The following SSX2IP variants were observed in gnomAD, a reference collection of about 807,000 sequenced individuals.
The protein encoded by SSX2IP is afadin- and alpha-actinin-binding protein.
A neutral mutation model predicts 84.9 loss-of-function variants in SSX2IP; 55 were observed. That is an observed-to-expected ratio of 0.65 (90% CI 0.52 to 0.81). The LOEUF is 0.81. Among genes scored for constraint, SSX2IP ranks in the 30% least tolerant of loss-of-function variants. The pLI, the probability that SSX2IP is intolerant of heterozygous loss-of-function variation, is 0.00. For synonymous variants in SSX2IP, 239 were observed against 234.7 expected (o/e 1.02, Z -0.17); for missense variants, 664 against 705.2 (o/e 0.94, Z 0.66).
chr1:84,680,285 G>A (rs1654900063), intron 1 of SSX2IP: 1 of 152,158 alleles, frequency 6.6e-6, no homozygotes, highest in African/African-American at 2.4e-5. Context: ...CAGTAAAAGA[G>A]TTAAAATCCA....
At chr1:84,684,165 T>C (rs1031980361) in intron 1 of SSX2IP, among the ~76,000 whole-genome samples, 3 of 152,194 alleles carry the variant, frequency 2.0e-5, no homozygotes, top group Non-Finnish European at 2.9e-5. Context: ...GTTATAGTTG[T>C]CAACGTGTGG....
rs1456398366 is a variant in SSX2IP at position 84,656,221 on chromosome 1, AG to A, written c.1215+126del. On this transcript the variant is annotated intron_variant, in intron 10 of 13. Transcript: ENST00000342203. Reference sequence around the variant, plus strand: ...AGTGGTACACAATGTATCTGTTAGCAGGGAACACAGACTAGAAATCTGTCAA... The same window carrying A: ...AGTGGTACACAATGTATCTGTTAGCAGGAACACAGACTAGAAATCTGTCAA... 7.8e-6 allele frequency: 8 copies of A among 1,020,666 alleles called. No homozygotes were observed. In the Admixed American group the frequency reaches 1.9e-4, roughly 24 times the overall value. 63.2% of individuals were successfully genotyped at this position (1,020,666 alleles called of 1,614,324 possible). A position where few individuals can be genotyped will look rare whatever the true frequency, so the allele number is the denominator to read the frequency against.
At chr1:84,663,792 A>C (rs1216881931) in intron 6 of SSX2IP, among the ~76,000 whole-genome samples, 1 of 152,242 alleles carries the variant, frequency 6.6e-6, no homozygotes, top group African/African-American at 2.4e-5. Flanking sequence ...TCGTATTTAT[A>C]CCAGGCCAGC....
At chr1:84,683,494 C>T (rs1434411355) in intron 1 of SSX2IP, among the ~76,000 whole-genome samples, 2 of 152,214 alleles carry the variant, frequency 1.3e-5, no homozygotes, top group African/African-American at 4.8e-5. Context: ...TCTCTCTGTG[C>T]TTCTAGAACA....
chr1:84,652,830 C>T (rs987060387), intron 11 of SSX2IP, among the ~76,000 whole-genome samples: 2 of 151,704 alleles, frequency 1.3e-5, no homozygotes, highest in Non-Finnish European at 2.9e-5. Flanking sequence ...TCGAGACCAT[C>T]CTGGCTAACA....
chr1:84,671,091 C>A, intron 2 of SSX2IP, 86 bp downstream of exon 2: 2 of 1,468,830 alleles, frequency 1.4e-6, no homozygotes, highest in Non-Finnish European at 1.9e-6. Context: ...ACATCTTCAA[C>A]ATCTGCAGTA....
Position 84,645,964 on chromosome 1 carries a change from G to A in SSX2IP, c.*1469C>T, listed in dbSNP as rs1275244296. On this transcript the variant is annotated 3_prime_UTR_variant, in exon 14 of 14. Coordinates refer to ENST00000342203, the MANE Select transcript of SSX2IP (RefSeq NM_001166293.2). ...GATATCCTATCAGCCCTGAAAAAAT[G>A]GCTGCTGCTATGCAACTCCAAAGAG... The A allele has an allele frequency of 6.6e-6, 1 of 152,096 alleles. No homozygotes were observed. The highest frequency in any genetic ancestry group is 1.5e-5 in the Non-Finnish European group (1 of 68,022). The allele number at this position is 152,096 out of a possible 1,614,324, so 9.4% of individuals were successfully genotyped here. A position where few individuals can be genotyped will look rare whatever the true frequency, so the allele number is the denominator to read the frequency against.
rs1458596592 is a variant in SSX2IP at position 84,666,022 on chromosome 1, GTTCT to G, written c.537+96_537+99del. 5 of 845,356 alleles carry G rather than the reference GTTCT, an allele frequency of 5.9e-6. No individual in the cohort carries two copies. In the East Asian group the frequency reaches 7.7e-5, roughly 13 times the overall value. 52.4% of individuals were successfully genotyped at this position (845,356 alleles called of 1,614,324 possible). On this transcript the variant is annotated intron_variant, in intron 5 of 13. Transcript: ENST00000342203. The stretch of plus-strand genomic sequence containing the variant: ...CAATTTGGGGAAAGATGAATAAATG[GTTCT>G]TTCTTTTTTCAAGTAAAGTGGCTCT...
chr1:84,647,421 C>T lies in SSX2IP; in HGVS notation c.*12G>A. On this transcript the variant is annotated 3_prime_UTR_variant, in exon 14 of 14. Transcript: ENST00000342203. ...ATGAACACATTAATGAAAAAAATTC[C>T]AGTCCACATGTCTAAGGTAAGTCAT... The T allele has an allele frequency of 6.5e-7, 1 of 1,550,070 alleles. No individual in the cohort carries two copies. The highest frequency in any genetic ancestry group is 8.7e-7 in the Non-Finnish European group (1 of 1,148,052).
In SSX2IP at chr1:84,669,692, A is replaced by C. The variant is rs1265655784; in HGVS notation, c.415T>G (p.Ser139Ala). 2 of 1,613,284 alleles carry C rather than the reference A, an allele frequency of 1.2e-6. No homozygotes were observed. Among genetic ancestry groups the C allele is most frequent in the African/African-American group, 2.7e-5 (2 of 74,914 alleles). Residue 139 changes from serine (S) to alanine (A), a missense_variant, in exon 4 of 14, where the codon TCA (serine) becomes GCA (alanine). By Grantham distance (99) the Ser-to-Ala change is moderately conservative (BLOSUM62 1). Coordinates refer to ENST00000342203, the MANE Select transcript of SSX2IP (RefSeq NM_001166293.2). The part of the protein sequence containing the change: ...SDMDHLQSCY[S>A]KLKEQLETSR... ...TCTGCAATTTCTACCTTAAGTTTTG[A>C]GTAGCAGCTCTGTAGATGGTCCATA...
rs1570718739 is a variant in SSX2IP, at chr1:84,680,084, G to T, written c.-89-8776C>A. On this transcript the variant is annotated intron_variant, in intron 1 of 13. Coordinates refer to ENST00000342203, the MANE Select transcript of SSX2IP (RefSeq NM_001166293.2). Reference sequence around the variant, plus strand: ...TTGGGCTCAGACTGCATAAAATAGTGTGAACACATAAATTATGGTACAATA... The same window carrying T: ...TTGGGCTCAGACTGCATAAAATAGTTTGAACACATAAATTATGGTACAATA... 3.3e-5 allele frequency among the ~76,000 whole-genome samples: 5 copies of T among 152,314 alleles called. No individual in the cohort carries two copies. The East Asian group carries it at 9.6e-4, about 29-fold the overall frequency.
intron 4 of SSX2IP, among the ~76,000 whole-genome samples, chr1:84,666,548 T>C (rs1652798217): frequency 1.3e-5 from 2 of 152,176 alleles, no homozygotes; most frequent in Admixed American, 1.3e-4. Flanking sequence ...TTTTTAATAC[T>C]TTTTAACACT....
intron 1 of SSX2IP, among the ~76,000 whole-genome samples, chr1:84,673,683 C>G (rs973904811): frequency 3.9e-5 from 6 of 152,112 alleles, no homozygotes; most frequent in Non-Finnish European, 8.8e-5. Flanking sequence ...GAAGCAGAAA[C>G]AGGCAGATGA....
At chr1:84,684,193 T>G (rs1349093013) in intron 1 of SSX2IP, among the ~76,000 whole-genome samples, 1 of 152,154 alleles carries the variant, frequency 6.6e-6, no homozygotes, top group Non-Finnish European at 1.5e-5. Flanking sequence ...ACCAGCAGCA[T>G]CAACATCACC....
rs892962680 is a variant in SSX2IP, at chr1:84,646,444, T to G, written c.*989A>C. The G allele has an allele frequency of 6.6e-5, 10 of 152,492 alleles. No individual in the cohort carries two copies. Among genetic ancestry groups the G allele is most frequent in the African/African-American group, 2.4e-4 (10 of 41,406 alleles). The allele number at this position is 152,492 out of a possible 1,614,324, so 9.4% of individuals were successfully genotyped here. On this transcript the variant is annotated 3_prime_UTR_variant, in exon 14 of 14. Coordinates refer to ENST00000342203, the MANE Select transcript of SSX2IP (RefSeq NM_001166293.2). Reference sequence around the variant, plus strand: ...CAGTGGTAAATACCTCATTAAAAAATTATTAAAAAATTATTGACAATACAA... The same window carrying G: ...CAGTGGTAAATACCTCATTAAAAAAGTATTAAAAAATTATTGACAATACAA...
At position 84,644,279 on chromosome 1, in the gene SSX2IP, C is replaced by T. The variant is rs774865276; in HGVS notation, c.*3154G>A. On this transcript the variant is annotated 3_prime_UTR_variant, in exon 14 of 14. Coordinates refer to ENST00000342203, the MANE Select transcript of SSX2IP (RefSeq NM_001166293.2). ...CATCAGTCCATGTTTTATGAACAGA[C>T]TGAATGTGTCCGTAGCATCCACCAT... The T allele has an allele frequency of 6.6e-6, 1 of 152,208 alleles. No homozygotes were observed. Among genetic ancestry groups the T allele is most frequent in the Non-Finnish European group, 1.5e-5 (1 of 68,046 alleles). The allele number at this position is 152,208 out of a possible 1,614,324, so 9.4% of individuals were successfully genotyped here.
rs1652776216 is a variant in SSX2IP, at chr1:84,666,345, C to A, written c.427-113G>T. On this transcript the variant is annotated intron_variant, in intron 4 of 13. Transcript: ENST00000342203. ...CATCCTAGTGTTTATTAGTCAAAAT[C>A]AAATGTTAGTGGCACATGAAATGTT... The A allele has an allele frequency of 1.1e-5, 8 of 723,116 alleles. No homozygotes were observed. The South Asian group carries it at 1.2e-4, about 11-fold the overall frequency. 44.8% of individuals were successfully genotyped at this position (723,116 alleles called of 1,614,324 possible).
intron 13 of SSX2IP, among the ~76,000 whole-genome samples, 161 bp from the exon 14 acceptor site, chr1:84,647,768 G>T (rs1480872560): frequency 6.6e-6 from 1 of 151,010 alleles, no homozygotes; most frequent in Non-Finnish European, 1.5e-5. Flanking sequence ...AAAAACGGCT[G>T]GGAGCAGTAG....
rs185548114 is a variant in SSX2IP, at chr1:84,650,499, G to A, written c.1533C>T (p.His511=). ...GSSDWDNLIV[H]SRQPQKKPHS... ...GAGGCTTCTTTTGCGGCTGCCTCGA[G>A]TGCACTATAAGATTGTCCCAATCAG... Residue 511 remains histidine, a synonymous_variant, in exon 13 of 14, where the codon CAC becomes CAT. Coordinates refer to ENST00000342203, the MANE Select transcript of SSX2IP (RefSeq NM_001166293.2). The A allele has an allele frequency of 1.2e-6, 2 of 1,614,026 alleles. No homozygotes were observed. The highest frequency in any genetic ancestry group is 1.3e-5 in the African/African-American group (1 of 74,904).
Sources: gnomAD v4.1 joint callset for allele counts (sites outside exome capture counted in the v4.1 genomes callset) on GRCh38, gnomAD v4.1.1 for gene constraint, MANE v1.5 for transcripts, NCBI Gene and HGNC (gene_info 2026-07-23, HGNC 2026-07-21) for gene names.